CDK14: variants seen among roughly 807,000 people sequenced by gnomAD.
CDK14 encodes the protein cyclin-dependent kinase 14.
Under a neutral mutation model 60.7 loss-of-function variants are expected in CDK14, and 34 were observed. That is an observed-to-expected ratio of 0.56 (90% CI 0.43 to 0.75). The LOEUF is 0.75. CDK14 is among the 30% of genes least tolerant of loss of function. The probability of loss-of-function intolerance (pLI) is 0.00; values close to 1 mark genes in which losing one functional copy is unlikely to be tolerated. For missense variants in CDK14, 482 were observed against 564.1 expected (o/e 0.85, Z 1.47); for synonymous variants, 197 against 203.7 (o/e 0.97, Z 0.28).
At chr7:91,011,857 A>C (rs992127257) in intron 10 of CDK14, among the ~76,000 whole-genome samples, 2 of 151,836 alleles carry the variant, frequency 1.3e-5, no homozygotes, top group African/African-American at 4.9e-5. Flanking sequence ...TAACATATGG[A>C]ATACCTATGT....
intron 2 of CDK14, among the ~76,000 whole-genome samples, chr7:90,679,518 CAAGTT>C (rs1178929289): frequency 6.6e-6 from 1 of 152,034 alleles, no homozygotes; most frequent in Admixed American, 6.5e-5. Flanking sequence ...TATATTTTGT[CAAGTT>C]GTCTATCATA....
At chr7:90,780,859 A>G (rs1396110056) in intron 4 of CDK14, among the ~76,000 whole-genome samples, 1 of 151,922 alleles carries the variant, frequency 6.6e-6, no homozygotes, top group Non-Finnish European at 1.5e-5. Flanking sequence ...GCCGCAATAA[A>G]CATACGTGTG....
At chr7:91,015,792 A>G (rs1253367976) in intron 10 of CDK14, among the ~76,000 whole-genome samples, 1 of 135,178 alleles carries the variant, frequency 7.4e-6, no homozygotes, top group Non-Finnish European at 1.6e-5. Context: ...TTTATATACC[A>G]AAAAAAAAAG....
At chr7:90,655,614 A>G (rs1307766752) in intron 2 of CDK14, among the ~76,000 whole-genome samples, 1 of 152,226 alleles carries the variant, frequency 6.6e-6, no homozygotes, top group Non-Finnish European at 1.5e-5. Flanking sequence ...TATCTGTTTT[A>G]TAATTGCACA....
chr7:91,137,773 C>CAAT (rs1800331332), intron 14 of CDK14, among the ~76,000 whole-genome samples: 1 of 151,620 alleles, frequency 6.6e-6, no homozygotes, highest in African/African-American at 2.4e-5. Context: ...GGAACTGTTT[C>CAAT]AATTGTGGAG....
intron 14 of CDK14, among the ~76,000 whole-genome samples, chr7:91,123,872 C>G (rs1799859423): frequency 6.6e-6 from 1 of 152,064 alleles, no homozygotes; most frequent in South Asian, 2.1e-4. Context: ...TATCATGCTT[C>G]CTTCAGAATG....
intron 14 of CDK14, among the ~76,000 whole-genome samples, chr7:91,146,780 A>G (rs1800651501): frequency 6.6e-6 from 1 of 152,064 alleles, no homozygotes; most frequent in South Asian, 2.1e-4. Context: ...CCATTCTACA[A>G]ATTTTTCCAG....
At chr7:91,009,201 T>C (rs992530240) in intron 10 of CDK14, among the ~76,000 whole-genome samples, 1 of 152,164 alleles carries the variant, frequency 6.6e-6, no homozygotes, top group African/African-American at 2.4e-5. Flanking sequence ...GTCAGTTGTT[T>C]ATTCTTTTTT....
At chr7:90,878,959 A>C (rs948790589) in intron 6 of CDK14, among the ~76,000 whole-genome samples, 3 of 152,220 alleles carry the variant, frequency 2.0e-5, no homozygotes, top group Non-Finnish European at 4.4e-5. Flanking sequence ...GTATTTGCCT[A>C]ATGTAGAAGA....
intron 10 of CDK14, among the ~76,000 whole-genome samples, chr7:91,041,958 A>G (rs1047173166): frequency 6.6e-6 from 1 of 152,188 alleles, no homozygotes; most frequent in African/African-American, 2.4e-5. Flanking sequence ...GAGGACCACA[A>G]TGCGTAGACA....
rs573186492 is a variant in CDK14, at chr7:90,812,505, A to G, written c.544+21853A>G. Among the ~76,000 whole-genome samples, 5 of 152,302 alleles carry G rather than the reference A, an allele frequency of 3.3e-5. No individual in the cohort carries two copies. In the Middle Eastern group the frequency reaches 0.014, roughly 414 times the overall value. On this transcript the variant is annotated intron_variant, in intron 5 of 14. Coordinates refer to ENST00000380050, the MANE Select transcript of CDK14 (RefSeq NM_001287135.2). Reference sequence around the variant, plus strand: ...GGGGGGACGGATTGCATTAGGAGATATACCTAATGTTAAATGACGAGTTGC... The same window carrying G: ...GGGGGGACGGATTGCATTAGGAGATGTACCTAATGTTAAATGACGAGTTGC...
intron 14 of CDK14, among the ~76,000 whole-genome samples, chr7:91,170,646 T>G (rs1801486312): frequency 1.3e-5 from 2 of 152,172 alleles, no homozygotes; most frequent in African/African-American, 4.8e-5. Context: ...TTAGCTTGTA[T>G]TCAATTATTT....
rs28667645 is a variant in CDK14, at chr7:91,181,184, T to A, written c.*29-25981T>A. 7.6e-3 allele frequency among the ~76,000 whole-genome samples: 1,150 copies of A among 152,294 alleles called. 16 individuals are homozygous for A. Among genetic ancestry groups the A allele is most frequent in the African/African-American group, 0.025 (1,047 of 41,566 alleles). The stretch of plus-strand genomic sequence containing the variant: ...AACAATGTTTTTAAATTTATTTGAG[T>A]CTGAATTTCTTCCCTCCCTCCGTCT... On this transcript the variant is annotated intron_variant, in intron 14 of 14. Coordinates refer to ENST00000380050, the MANE Select transcript of CDK14 (RefSeq NM_001287135.2).
At chr7:91,139,175 T>C (rs555837929) in intron 14 of CDK14, among the ~76,000 whole-genome samples, 1 of 152,308 alleles carries the variant, frequency 6.6e-6, no homozygotes, top group Non-Finnish European at 1.5e-5. Context: ...TATTTCTTAA[T>C]CTATAGAATT....
chr7:90,606,075 T>C (rs1282776555), intron 2 of CDK14, among the ~76,000 whole-genome samples: 1 of 152,204 alleles, frequency 6.6e-6, no homozygotes. Context: ...CACAAGAGAT[T>C]GTAAACTATC....
rs111697821 is a variant in CDK14, at chr7:91,137,688, T to TGGGGG, written c.*28+19482_*28+19486dup. On this transcript the variant is annotated intron_variant, in intron 14 of 14. Coordinates refer to ENST00000380050, the MANE Select transcript of CDK14 (RefSeq NM_001287135.2). ...TATGAGCTCTACTTCTAAAGACTTG[T>TGGGGG]GGGGGGTGTGTGTGTGTGTGTGTGT... is the stretch of plus-strand genomic sequence containing the variant. Among the ~76,000 whole-genome samples the TGGGGG allele has an allele frequency of 7.4e-4, 28 of 37,838 alleles. No individual in the cohort carries two copies. The East Asian group carries it at 8.8e-3, about 12-fold the overall frequency. 24.8% of individuals were successfully genotyped at this position (37,838 alleles called of 152,430 possible).
intron 10 of CDK14, among the ~76,000 whole-genome samples, chr7:91,037,979 T>G (rs1013516353): frequency 2.0e-5 from 3 of 152,212 alleles, no homozygotes; most frequent in Non-Finnish European, 4.4e-5. Flanking sequence ...ACAGCAATAC[T>G]GGGGTCCTGC....
chr7:90,693,963 A>T (rs1029001482), intron 2 of CDK14, among the ~76,000 whole-genome samples: 4 of 152,178 alleles, frequency 2.6e-5, no homozygotes, highest in African/African-American at 4.8e-5. Context: ...ATGTTGTTGG[A>T]ATTAAGTCAT....
rs548422009 is a variant in CDK14 at position 91,210,233 on chromosome 7, A to G, written c.*3097A>G. ...ACCAAAAAAATCAATAAAATAAGCA[A>G]TCTTCTATTCTCATTCCTTTTCCCA... On this transcript the variant is annotated 3_prime_UTR_variant, in exon 15 of 15. Transcript: ENST00000380050. 6.5e-6 allele frequency: 1 copy of G among 152,744 alleles called. No individual in the cohort carries two copies. Among genetic ancestry groups the G allele is most frequent in the East Asian group, 1.9e-4 (1 of 5,188 alleles). 9.5% of individuals were successfully genotyped at this position (152,744 alleles called of 1,614,324 possible). A position where few individuals can be genotyped will look rare whatever the true frequency, so the allele number is the denominator to read the frequency against.
Sources: allele counts gnomAD v4.1 joint callset (sites outside exome capture counted in the v4.1 genomes callset), GRCh38; gene constraint gnomAD v4.1.1; transcripts MANE v1.5; gene names NCBI Gene and HGNC (gene_info 2026-07-23, HGNC 2026-07-21).